GAK: variants seen among roughly 807,000 people sequenced by gnomAD.
GAK encodes the protein cyclin-G-associated kinase.
GAK carries 79 observed loss-of-function variants against 143.9 expected under a neutral mutation model. The ratio of observed to expected loss-of-function variants is 0.55; its 90% CI spans 0.46 to 0.66. The LOEUF is 0.66. GAK is among the 30% of genes least tolerant of loss of function. The probability of loss-of-function intolerance (pLI) is 0.00; values close to 1 mark genes in which losing one functional copy is unlikely to be tolerated. For synonymous variants in GAK, 881 were observed against 765.5 expected (o/e 1.15, Z -2.49); for missense variants, 1,693 against 1,779.7 (o/e 0.95, Z 0.88).
At chr4:895,648 A>T (rs1205664528) in intron 7 of GAK, among the ~76,000 whole-genome samples, 1 of 152,236 alleles carries the variant, frequency 6.6e-6, no homozygotes, top group Non-Finnish European at 1.5e-5. Flanking sequence ...CTGGTGGCTG[A>T]ATGACGGGGT....
chr4:854,671 G>A (rs546546479), intron 24 of GAK, among the ~76,000 whole-genome samples: 13 of 152,186 alleles, frequency 8.5e-5, no homozygotes, highest in Non-Finnish European at 1.3e-4. Flanking sequence ...TGCCATCGCC[G>A]CAATGTTGAT....
chr4:921,489 A>G (rs188211643), intron 1 of GAK, among the ~76,000 whole-genome samples: 8 of 152,320 alleles, frequency 5.3e-5, no homozygotes, highest in Non-Finnish European at 1.2e-4. Context: ...CCAGCCACAT[A>G]CAGTAATTCA....
At chr4:908,732 G>A (rs1244101193) in intron 4 of GAK, among the ~76,000 whole-genome samples, 2 of 152,150 alleles carry the variant, frequency 1.3e-5, no homozygotes, top group Non-Finnish European at 2.9e-5. Context: ...AAGCTACAGT[G>A]AGCTATGAAT....
chr4:851,319 C>A, intron 25 of GAK: 1 of 452,684 alleles, frequency 2.2e-6, no homozygotes, highest in Non-Finnish European at 4.0e-6. Context: ...TGGTCTTGAA[C>A]TCCTGGGCTC....
intron 1 of GAK, among the ~76,000 whole-genome samples, chr4:920,256 C>T (rs1318750861): frequency 1.3e-5 from 2 of 149,464 alleles, no homozygotes; most frequent in Non-Finnish European, 3.0e-5. Context: ...TGCAGTGAGC[C>T]GAGATCACGC....
Position 882,811 on chromosome 4 carries a change from C to G in GAK, c.1413G>C (p.Glu471Asp). ...GGGCCCGCCGTGCTGCCCAGCCACA[C>G]TCGGAGACCTGTGGGGACAGGGCAC... ...RPSRFHNRVS[E>D]CGWAARRAPH... The change falls in exon 14 of 28, where the codon GAG (glutamate) becomes GAC (aspartate). Residue 471 changes from glutamate to aspartate, a missense_variant. Glu to Asp is a conservative substitution (Grantham distance 45). Transcript: ENST00000314167. The G allele has an allele frequency of 6.2e-7, 1 of 1,609,914 alleles. No individual in the cohort carries two copies. Among genetic ancestry groups the G allele is most frequent in the Non-Finnish European group, 8.5e-7 (1 of 1,179,848 alleles).
intron 24 of GAK, among the ~76,000 whole-genome samples, chr4:854,914 G>A (rs58466439): frequency 0.26 from 38,930 of 151,996 alleles, 5,086 homozygotes; most frequent in African/African-American, 0.28. Context: ...GCGTGGTGGC[G>A]GGTGCCTGTA....
At chr4:895,107 C>T (rs1428508493) in intron 7 of GAK, among the ~76,000 whole-genome samples, 5 of 152,186 alleles carry the variant, frequency 3.3e-5, no homozygotes, top group Admixed American at 6.5e-5. Context: ...GTGTGCTATG[C>T]GAGGGGCAAG....
chr4:920,315 A>C (rs911200144), intron 1 of GAK, among the ~76,000 whole-genome samples: 6 of 151,680 alleles, frequency 4.0e-5, no homozygotes, highest in African/African-American at 7.3e-5. Flanking sequence ...CTCAAAAAAA[A>C]AAAAACAAAA....
intron 24 of GAK, 147 bp downstream of exon 24, chr4:859,458 GT>G: frequency 1.3e-6 from 2 of 1,597,720 alleles, no homozygotes; most frequent in Middle Eastern, 1.7e-4. Context: ...CAGACACGCT[GT>G]CCCCTTGGGC....
At position 868,650 on chromosome 4, in the gene GAK, C is replaced by T; in HGVS notation, c.2284G>A (p.Ala762Thr). The T allele has an allele frequency of 6.4e-7, 1 of 1,559,948 alleles. No homozygotes were observed. Among genetic ancestry groups the T allele is most frequent in the South Asian group, 1.2e-5 (1 of 84,856 alleles). The change falls in exon 20 of 28, where the codon GCT becomes ACT. Residue 762 changes from alanine (A) to threonine (T), a missense_variant. By Grantham distance (58) the Ala-to-Thr change is moderately conservative (BLOSUM62 0). This residue lies in a region of GAK where 822 missense variants were observed against 788.7 expected (regional missense o/e 1.04). Transcript: ENST00000314167. Reference sequence around the variant, plus strand: ...GACCCTGCCCCAGCATCATACTGAGCCGTGGAGCCAGGCTGCCGGGGAAGC... The same window carrying T: ...GACCCTGCCCCAGCATCATACTGAGTCGTGGAGCCAGGCTGCCGGGGAAGC... ...PELPRQPGST[A>T]QYDAGAGSPE... is the part of the protein sequence containing the mutation.
chr4:855,023 G>T (rs1748888937), intron 24 of GAK, among the ~76,000 whole-genome samples: 1 of 152,172 alleles, frequency 6.6e-6, no homozygotes. Context: ...CAGCCTGGGC[G>T]ACAGAGCGAG....
chr4:887,974 C>T (rs1420565216), intron 11 of GAK: 9 of 152,366 alleles, frequency 5.9e-5, no homozygotes, highest in African/African-American at 2.2e-4. Context: ...CTCAAAGACA[C>T]ATGCACCCAC....
At chr4:864,751 G>T (rs997416954) in intron 23 of GAK, among the ~76,000 whole-genome samples, 1 of 152,124 alleles carries the variant, frequency 6.6e-6, no homozygotes, top group Non-Finnish European at 1.5e-5. Context: ...CCTTCAGGAG[G>T]GAAGAGCCAC....
intron 5 of GAK, among the ~76,000 whole-genome samples, chr4:903,151 G>A (rs543881900): frequency 5.9e-5 from 9 of 152,158 alleles, no homozygotes; most frequent in African/African-American, 1.9e-4. Context: ...CCTGTGTGGC[G>A]GTGTGGTGGG....
intron 1 of GAK, among the ~76,000 whole-genome samples, chr4:925,447 G>T (rs1401885747): frequency 1.3e-5 from 2 of 152,226 alleles, no homozygotes; most frequent in Non-Finnish European, 2.9e-5. Flanking sequence ...ACCACTACAG[G>T]CAGATCTGAG....
intron 12 of GAK, among the ~76,000 whole-genome samples, 199 bp downstream of exon 12, chr4:883,838 C>T (rs1305487148): frequency 6.6e-6 from 1 of 152,258 alleles, no homozygotes; most frequent in Non-Finnish European, 1.5e-5. Context: ...CAGGCTGGCG[C>T]TGACCCTGTC....
chr4:891,987 GC>G (rs1183195642), intron 9 of GAK, among the ~76,000 whole-genome samples: 1 of 152,130 alleles, frequency 6.6e-6, no homozygotes, highest in Non-Finnish European at 1.5e-5. Flanking sequence ...CATGATGGCC[GC>G]CAGAGAGGGG....
chr4:883,755 C>T (rs913013559), intron 12 of GAK, among the ~76,000 whole-genome samples: 2 of 152,240 alleles, frequency 1.3e-5, no homozygotes, highest in Non-Finnish European at 2.9e-5. Context: ...ATGCCTGGTG[C>T]ACAGAGGCCC....
Sources: gnomAD v4.1 joint callset for allele counts (sites outside exome capture counted in the v4.1 genomes callset) on GRCh38, gnomAD v4.1.1 for gene constraint, gnomAD v4.1.1 regional missense constraint, MANE v1.5 for transcripts, NCBI Gene and HGNC (gene_info 2026-07-23, HGNC 2026-07-21) for gene names.